The following RREB1 variants were observed in gnomAD, a reference collection of about 807,000 sequenced individuals.
The protein encoded by RREB1 is ras responsive element binding protein 1.
A neutral mutation model predicts 117.8 loss-of-function variants in RREB1; 27 were observed. That is an observed-to-expected ratio of 0.23 (90% confidence interval 0.17 to 0.32). RREB1 has a LOEUF of 0.32. Among genes scored for constraint, RREB1 ranks in the 10% least tolerant of loss-of-function variants. The probability of loss-of-function intolerance (pLI) is 1.00; values close to 1 mark genes in which losing one functional copy is unlikely to be tolerated. For missense variants in RREB1, 2,577 were observed against 2,378.2 expected (o/e 1.08, Z -1.74); for synonymous variants, 1,298 against 1,026.7 (o/e 1.26, Z -5.05).
intron 1 of RREB1, among the ~76,000 whole-genome samples, chr6:7,157,222 A>G (rs1311939551): frequency 1.3e-5 from 2 of 152,130 alleles, no homozygotes; most frequent in Non-Finnish European, 2.9e-5. Context: ...GCTTGAGTTC[A>G]GGAAGTTGGA....
At chr6:7,245,515 T>C (rs1480092624) in intron 11 of RREB1, among the ~76,000 whole-genome samples, 1 of 152,234 alleles carries the variant, frequency 6.6e-6, no homozygotes, top group African/African-American at 2.4e-5. Context: ...CTTTCAACCT[T>C]AGTAAAGAGA....
At chr6:7,125,736 A>T (rs577771485) in intron 1 of RREB1, among the ~76,000 whole-genome samples, 59 of 152,222 alleles carry the variant, frequency 3.9e-4, no homozygotes, top group African/African-American at 1.4e-3. Context: ...GGCAGTGCTC[A>T]AGTGTGATAG....
intron 3 of RREB1, chr6:7,181,464 A>C: frequency 2.4e-6 from 1 of 417,516 alleles, no homozygotes; most frequent in Non-Finnish European, 4.2e-6. Flanking sequence ...GTTTCTCATC[A>C]CTAGTTTTAG....
intron 10 of RREB1, among the ~76,000 whole-genome samples, chr6:7,237,491 G>T (rs1438385005): frequency 6.6e-6 from 1 of 151,954 alleles, no homozygotes; most frequent in East Asian, 1.9e-4. Context: ...GCCTCCCAAA[G>T]TGCTGGGATT....
intron 1 of RREB1, among the ~76,000 whole-genome samples, chr6:7,166,616 C>T (rs983467779): frequency 6.6e-6 from 1 of 152,114 alleles, no homozygotes; most frequent in Non-Finnish European, 1.5e-5. Flanking sequence ...TTCCAATGGG[C>T]GAGGAAAGAT....
At chr6:7,129,243 G>A (rs1762059571) in intron 1 of RREB1, among the ~76,000 whole-genome samples, 1 of 152,218 alleles carries the variant, frequency 6.6e-6, no homozygotes, top group South Asian at 2.1e-4. Flanking sequence ...CAGCAGGAAA[G>A]CAGGTTGGTT....
chr6:7,216,498 G>C (rs1766907505), intron 8 of RREB1: 2 of 152,362 alleles, frequency 1.3e-5, no homozygotes, highest in Admixed American at 6.5e-5. Flanking sequence ...CATGAGTAGT[G>C]AGGGCAGCTG....
At chr6:7,186,628 G>T (rs1581508232) in intron 4 of RREB1, among the ~76,000 whole-genome samples, 1 of 152,304 alleles carries the variant, frequency 6.6e-6, no homozygotes, top group East Asian at 1.9e-4. Flanking sequence ...AACTCTGCAT[G>T]AATTATTTGG....
In RREB1 at chr6:7,246,652, G is replaced by C; in HGVS notation, c.4202G>C (p.Gly1401Ala). The change falls in exon 12 of 13, where the codon GGG becomes GCG. Residue 1401 changes from glycine (G) to alanine (A), a missense_variant. Gly to Ala is a moderately conservative substitution (Grantham distance 60). Coordinates refer to ENST00000379938, the MANE Select transcript of RREB1 (RefSeq NM_001003699.4). ...EEEHGTEEST[G>A]DADGAEEDAS... ...GAGCATGGCACTGAGGAGAGCACTG[G>C]GGACGCCGACGGCGCGGAAGAGGAC... 1.3e-6 allele frequency: 2 copies of C among 1,576,024 alleles called. No homozygotes were observed. The highest frequency in any genetic ancestry group is 1.7e-6 in the Non-Finnish European group (2 of 1,160,986).
Position 7,230,242 on chromosome 6 carries a change from G to A in RREB1, c.2143G>A (p.Glu715Lys). ...CCCCTTCACTGTCAAAGCCAACTGC[G>A]AGCGGCACCTGCGCAAGAAGCACCT... ...HYPFTVKANC[E>K]RHLRKKHLKA... The change falls in exon 10 of 13, where the codon GAG becomes AAG. Residue 715 changes from glutamate (E) to lysine (K), a missense_variant. By Grantham distance (56) the Glu-to-Lys change is moderately conservative (BLOSUM62 1). Coordinates refer to ENST00000379938, the MANE Select transcript of RREB1 (RefSeq NM_001003699.4). The A allele has an allele frequency of 6.2e-7, 1 of 1,602,938 alleles. No homozygotes were observed. Among genetic ancestry groups the A allele is most frequent in the Non-Finnish European group, 8.5e-7 (1 of 1,179,822 alleles).
At chr6:7,191,251 T>G (rs1198709978) in intron 6 of RREB1, among the ~76,000 whole-genome samples, 1 of 152,186 alleles carries the variant, frequency 6.6e-6, no homozygotes, top group Non-Finnish European at 1.5e-5. Context: ...ACGGTATAAT[T>G]CATACATCAT....
intron 1 of RREB1, among the ~76,000 whole-genome samples, chr6:7,154,623 C>A (rs1288624705): frequency 6.6e-6 from 1 of 152,112 alleles, no homozygotes; most frequent in Non-Finnish European, 1.5e-5. Flanking sequence ...TTATTGTCTC[C>A]ATCTCACAGA....
At chr6:7,177,218 C>CAAA (rs552706086) in intron 2 of RREB1, among the ~76,000 whole-genome samples, 438 of 34,538 alleles carry the variant, frequency 0.013, 17 homozygotes, top group African/African-American at 0.031. Context: ...GACTGTCTCA[C>CAAA]AAAAAAAAAA....
At chr6:7,133,714 A>G (rs974453748) in intron 1 of RREB1, among the ~76,000 whole-genome samples, 1 of 152,240 alleles carries the variant, frequency 6.6e-6, no homozygotes. Context: ...CACTGCACCT[A>G]TGCCCATAAT....
intron 1 of RREB1, among the ~76,000 whole-genome samples, chr6:7,113,219 G>A (rs1761235192): frequency 6.6e-6 from 1 of 152,200 alleles, no homozygotes; most frequent in Non-Finnish European, 1.5e-5. Context: ...TGGAGAAAGA[G>A]AATGAAAACC....
At chr6:7,133,297 G>A (rs886428643) in intron 1 of RREB1, among the ~76,000 whole-genome samples, 1 of 152,082 alleles carries the variant, frequency 6.6e-6, no homozygotes. Context: ...TGCCTGGACG[G>A]GCTTGTATGA....
chr6:7,227,370 G>C (rs911584436), intron 9 of RREB1, among the ~76,000 whole-genome samples: 2 of 150,840 alleles, frequency 1.3e-5, no homozygotes, highest in African/African-American at 4.9e-5. Flanking sequence ...GTGAAACCCT[G>C]TCTACACTAA....
intron 12 of RREB1, among the ~76,000 whole-genome samples, chr6:7,248,010 A>G (rs1024440848): frequency 6.6e-6 from 1 of 152,180 alleles, no homozygotes. Context: ...GGCTCTCAGA[A>G]GAGGGATATT....
intron 8 of RREB1, chr6:7,217,154 C>G (rs1184206501): frequency 6.6e-6 from 1 of 152,254 alleles, no homozygotes; most frequent in Admixed American, 6.5e-5. Flanking sequence ...TTCTCTGCCC[C>G]GAGATGGGCA....
Sources: allele counts gnomAD v4.1 joint callset (sites outside exome capture counted in the v4.1 genomes callset), GRCh38; gene constraint gnomAD v4.1.1; transcripts MANE v1.5; gene names NCBI Gene and HGNC (gene_info 2026-07-23, HGNC 2026-07-21).